PDE8A: variants seen among roughly 807,000 people sequenced by gnomAD.
PDE8A encodes the protein phosphodiesterase 8A, also known as high affinity cAMP-specific and IBMX-insensitive 3',5'-cyclic phosphodiesterase 8A.
Under a neutral mutation model 105.0 loss-of-function variants are expected in PDE8A, and 59 were observed. That is an observed-to-expected ratio of 0.56 (90% CI 0.46 to 0.70). PDE8A has a LOEUF of 0.70. Ranked by LOEUF, PDE8A falls within the 30% of genes least tolerant of loss-of-function variation. The probability of loss-of-function intolerance (pLI) is 0.00; values close to 1 mark genes in which losing one functional copy is unlikely to be tolerated. For missense variants in PDE8A, 1,014 were observed against 1,045.9 expected (o/e 0.97, Z 0.42); for synonymous variants, 355 against 371.9 (o/e 0.95, Z 0.52).
chr15:84,983,477 A>G (rs2079753598), intron 1 of PDE8A, among the ~76,000 whole-genome samples: 2 of 152,248 alleles, frequency 1.3e-5, no homozygotes, highest in South Asian at 4.1e-4. Flanking sequence ...TTTCTGTACG[A>G]AAGGGGAAAG....
chr15:85,100,274 C>G, intron 11 of PDE8A, 76 bp downstream of exon 11: 1 of 1,280,434 alleles, frequency 7.8e-7, no homozygotes, highest in Non-Finnish European at 1.1e-6. Context: ...CTTTAACTAG[C>G]TTGCCTGGTG....
chr15:85,117,327 A>G (rs1246507402), intron 16 of PDE8A, among the ~76,000 whole-genome samples: 1 of 152,244 alleles, frequency 6.6e-6, no homozygotes, highest in African/African-American at 2.4e-5. Context: ...TGAGGAACCC[A>G]CTAGTGCAAG....
At chr15:85,060,593 T>C (rs1420747800) in intron 1 of PDE8A, among the ~76,000 whole-genome samples, 1 of 152,198 alleles carries the variant, frequency 6.6e-6, no homozygotes, top group Non-Finnish European at 1.5e-5. Flanking sequence ...GATTTTCATA[T>C]ATATGGGTGT....
At chr15:85,053,928 C>T (rs2081016777) in intron 1 of PDE8A, among the ~76,000 whole-genome samples, 1 of 152,168 alleles carries the variant, frequency 6.6e-6, no homozygotes. Context: ...AGTTTTTGCC[C>T]ATTCAGTATG....
chr15:85,043,555 T>G lies in PDE8A; in HGVS notation c.187-20815T>G, dbSNP rs538501313. On this transcript the variant is annotated intron_variant, in intron 1 of 21. Transcript: ENST00000394553. ...GGGTTAATTCTTACTAGTTTTACTT[T>G]CAAAGGTAATTTTAACATTTCGGGA... Among the ~76,000 whole-genome samples, 22 of 152,370 alleles carry G rather than the reference T, an allele frequency of 1.4e-4. No individual in the cohort carries two copies. The East Asian group carries it at 4.2e-3, about 29-fold the overall frequency.
chr15:85,097,711 A>G (rs2081780944), intron 8 of PDE8A: 1 of 437,928 alleles, frequency 2.3e-6, no homozygotes, highest in South Asian at 2.8e-5. Flanking sequence ...GCAGATGGCC[A>G]CTGAAAATAT....
At chr15:85,096,088 G>A (rs558767889) in intron 8 of PDE8A, among the ~76,000 whole-genome samples, 1 of 151,498 alleles carries the variant, frequency 6.6e-6, no homozygotes, top group African/African-American at 2.4e-5. Flanking sequence ...CGTTGGCCAG[G>A]GTGGTCTCAA....
intron 12 of PDE8A, among the ~76,000 whole-genome samples, chr15:85,110,637 G>A (rs781063572): frequency 6.6e-6 from 1 of 152,088 alleles, no homozygotes; most frequent in Non-Finnish European, 1.5e-5. Context: ...CTTCCTTATT[G>A]CTCAGTAGTA....
At chr15:84,995,016 C>A (rs568430604) in intron 1 of PDE8A, among the ~76,000 whole-genome samples, 1 of 151,918 alleles carries the variant, frequency 6.6e-6, no homozygotes, top group Admixed American at 6.6e-5. Context: ...CTATACTTCC[C>A]CTTAAATATT....
chr15:85,056,530 ACTTCT>A lies in PDE8A; in HGVS notation c.187-7833_187-7829del, dbSNP rs572797283. Among the ~76,000 whole-genome samples, 81 of 151,868 alleles carry A rather than the reference ACTTCT, an allele frequency of 5.3e-4. No homozygotes were observed. The South Asian group carries it at 0.017, about 32-fold the overall frequency. On this transcript the variant is annotated intron_variant, in intron 1 of 21. Coordinates refer to ENST00000394553, the MANE Select transcript of PDE8A (RefSeq NM_002605.3). ...TTTCTTTTTACTCATTTTTCTCTAA[ACTTCT>A]CTTCTCACTTCATTTCATTCATTTG...
chr15:85,115,330 T>C, intron 14 of PDE8A, 109 bp from the exon 15 acceptor site: 1 of 679,082 alleles, frequency 1.5e-6, no homozygotes. Flanking sequence ...TTGAGTGCAT[T>C]GGTGGAGAGG....
chr15:85,112,759 A>G (rs528649922), intron 12 of PDE8A, among the ~76,000 whole-genome samples: 6 of 152,304 alleles, frequency 3.9e-5, no homozygotes, highest in Non-Finnish European at 8.8e-5. Context: ...TTTTCTGCCT[A>G]TATTGCCTGG....
chr15:85,031,092 T>G (rs911559826), intron 1 of PDE8A, among the ~76,000 whole-genome samples: 1 of 152,244 alleles, frequency 6.6e-6, no homozygotes, highest in Admixed American at 6.5e-5. Flanking sequence ...AATACCAACT[T>G]CATATCCTTC....
chr15:85,073,444 G>T (rs1267234572), intron 3 of PDE8A, among the ~76,000 whole-genome samples: 1 of 152,098 alleles, frequency 6.6e-6, no homozygotes, highest in Non-Finnish European at 1.5e-5. Flanking sequence ...GGTAAACAAG[G>T]TCCTCCCTTC....
intron 5 of PDE8A, among the ~76,000 whole-genome samples, chr15:85,083,320 T>TAA (rs1555475932): frequency 6.7e-6 from 1 of 149,514 alleles, no homozygotes; most frequent in African/African-American, 2.5e-5. Flanking sequence ...TTTTTTTTTT[T>TAA]TAAAAAAATG....
intron 1 of PDE8A, among the ~76,000 whole-genome samples, chr15:85,028,446 C>T (rs933664719): frequency 1.2e-4 from 19 of 152,132 alleles, no homozygotes; most frequent in Non-Finnish European, 1.3e-4. Flanking sequence ...AGCTCCTGGC[C>T]TCAAGTGATC....
rs553210412 is a variant in PDE8A at position 85,119,138 on chromosome 15, A to T, written c.1734+1299A>T. On this transcript the variant is annotated intron_variant, in intron 17 of 21. Transcript: ENST00000394553. ...GTATTGCTTTTAAACTACTCTATAG[A>T]CAACATACAAATATATATTTAGAGA... Among the ~76,000 whole-genome samples the T allele has an allele frequency of 8.5e-5, 13 of 152,264 alleles. No individual in the cohort carries two copies. In the East Asian group the frequency reaches 2.5e-3, roughly 29 times the overall value.
In PDE8A at chr15:85,113,961, C is replaced by T; in HGVS notation, c.1274C>T (p.Thr425Ile). The change falls in exon 14 of 22, where the codon ACT becomes ATT. Residue 425 changes from threonine (T) to isoleucine (I), a missense_variant. Physicochemically the swap from Thr to Ile is moderately conservative, Grantham distance 89 (BLOSUM62 -1). Coordinates refer to ENST00000394553, the MANE Select transcript of PDE8A (RefSeq NM_002605.3). ...LDRVLEILRT[T>I]ELYSPQFGAK... ...CGTGTGCTGGAAATTCTAAGAACCACTGAGTTATATTCACCACAGTTTGGT... is the reference window on the plus strand; with the variant it reads ...CGTGTGCTGGAAATTCTAAGAACCATTGAGTTATATTCACCACAGTTTGGT... 1 of 1,613,852 alleles carries T rather than the reference C, an allele frequency of 6.2e-7. No individual in the cohort carries two copies. The highest frequency in any genetic ancestry group is 8.5e-7 in the Non-Finnish European group (1 of 1,179,666).
chr15:85,052,458 A>T (rs113590147), intron 1 of PDE8A, among the ~76,000 whole-genome samples: 2 of 152,084 alleles, frequency 1.3e-5, no homozygotes, highest in Admixed American at 1.3e-4. Context: ...AAGTGTTCCT[A>T]TTTCTCCACA....
Sources: gnomAD v4.1 joint callset for allele counts (sites outside exome capture counted in the v4.1 genomes callset) on GRCh38, gnomAD v4.1.1 for gene constraint, MANE v1.5 for transcripts, NCBI Gene and HGNC (gene_info 2026-07-23, HGNC 2026-07-21) for gene names.